PUS7: variants seen among roughly 807,000 people sequenced by gnomAD.
PUS7 encodes the protein pseudouridylate synthase 7 homolog.
Under a neutral mutation model 79.8 loss-of-function variants are expected in PUS7, and 48 were observed. The observed-to-expected ratio is 0.60, with a 90% CI of 0.48 to 0.76. The LOEUF is 0.76. PUS7 is among the 30% of genes least tolerant of loss of function. PUS7 has a pLI of 0.00. For missense variants in PUS7, 729 were observed against 797.6 expected (o/e 0.91, Z 1.04); for synonymous variants, 286 against 272.2 (o/e 1.05, Z -0.50).
At chr7:105,472,764 A>T (rs1442766724) in intron 9 of PUS7, among the ~76,000 whole-genome samples, 1 of 151,860 alleles carries the variant, frequency 6.6e-6, no homozygotes, top group Non-Finnish European at 1.5e-5. Flanking sequence ...ATTTATTATT[A>T]TTTTTTTGAA....
At chr7:105,479,752 C>T (rs755859232) in intron 9 of PUS7, among the ~76,000 whole-genome samples, 12 of 151,938 alleles carry the variant, frequency 7.9e-5, no homozygotes, top group Non-Finnish European at 1.6e-4. Context: ...AATCCCAGCA[C>T]TTAGGGAGGC....
At chr7:105,475,334 C>CT (rs1563362038) in intron 9 of PUS7, among the ~76,000 whole-genome samples, 1 of 152,034 alleles carries the variant, frequency 6.6e-6, no homozygotes, top group Non-Finnish European at 1.5e-5. Context: ...TACAGGCGCG[C>CT]GCCACCACGC....
At chr7:105,518,015 G>A (rs1825960082) in intron 1 of PUS7, among the ~76,000 whole-genome samples, 1 of 152,114 alleles carries the variant, frequency 6.6e-6, no homozygotes, top group African/African-American at 2.4e-5. Context: ...ATGCATGGTG[G>A]TGTGGCCCTG....
At chr7:105,488,037 T>C (rs1824625796) in intron 7 of PUS7, among the ~76,000 whole-genome samples, 1 of 152,164 alleles carries the variant, frequency 6.6e-6, no homozygotes, top group Admixed American at 6.6e-5. Context: ...GTGTAGCCTG[T>C]ATCCGTGAGA....
chr7:105,506,319 T>C, intron 2 of PUS7, 46 bp from the exon 3 acceptor site: 1 of 1,333,816 alleles, frequency 7.5e-7, no homozygotes, highest in Non-Finnish European at 1.1e-6. Flanking sequence ...CATCCTGTTT[T>C]CTATTAATTT....
At chr7:105,482,710 G>A (rs567563510) in intron 7 of PUS7, among the ~76,000 whole-genome samples, 84 of 152,230 alleles carry the variant, frequency 5.5e-4, no homozygotes, top group African/African-American at 1.9e-3. Context: ...ACATGCTGAT[G>A]AGTAACAGAA....
intron 6 of PUS7, 112 bp downstream of exon 6, chr7:105,495,030 C>A: frequency 3.7e-6 from 2 of 546,170 alleles, no homozygotes; most frequent in Non-Finnish European, 3.3e-6. Flanking sequence ...TTGGGAGGAG[C>A]ATTTACTATC....
intron 1 of PUS7, among the ~76,000 whole-genome samples, chr7:105,521,676 G>A (rs1313665443): frequency 2.0e-5 from 3 of 152,246 alleles, no homozygotes; most frequent in Non-Finnish European, 2.9e-5. Context: ...CTGACGGAGG[G>A]ACAAGAGTTT....
At chr7:105,501,116 T>C (rs1381688704) in intron 5 of PUS7, among the ~76,000 whole-genome samples, 1 of 152,200 alleles carries the variant, frequency 6.6e-6, no homozygotes, top group Non-Finnish European at 1.5e-5. Context: ...TTCCTCCTGT[T>C]CTCTTTTTTG....
intron 1 of PUS7, among the ~76,000 whole-genome samples, chr7:105,512,016 G>T (rs1469410748): frequency 1.3e-5 from 2 of 151,728 alleles, no homozygotes; most frequent in African/African-American, 4.8e-5. Context: ...ATGGTGGCGG[G>T]CGCCTGTAAT....
At chr7:105,492,969 C>T (rs916430442) in intron 6 of PUS7, among the ~76,000 whole-genome samples, 11 of 152,284 alleles carry the variant, frequency 7.2e-5, no homozygotes, top group African/African-American at 2.6e-4. Flanking sequence ...GCAGTGTAAA[C>T]ATTTGTGGCT....
At chr7:105,519,089 T>C (rs1261595013) in intron 1 of PUS7, among the ~76,000 whole-genome samples, 2 of 152,020 alleles carry the variant, frequency 1.3e-5, no homozygotes, top group Non-Finnish European at 2.9e-5. Flanking sequence ...CCATTAGTCT[T>C]AATTCTATCA....
Position 105,509,184 on chromosome 7 carries a change from C to CAAAA in PUS7, c.-32-644_-32-641dup, listed in dbSNP as rs57095427. Among the ~76,000 whole-genome samples, 45 of 55,712 alleles carry CAAAA rather than the reference C, an allele frequency of 8.1e-4. 4 individuals carry two copies. Among genetic ancestry groups the CAAAA allele is most frequent in the Admixed American group, 2.3e-3 (7 of 3,052 alleles). The allele number at this position is 55,712 out of a possible 152,430, so 36.5% of individuals were successfully genotyped here. ...GGGGGACCAGAGCAAGACTCCATCT[C>CAAAA]AAAAAAAAAAAAAAAAAAAAAAAAA... On this transcript the variant is annotated intron_variant, in intron 1 of 15. Transcript: ENST00000469408.
intron 7 of PUS7, among the ~76,000 whole-genome samples, chr7:105,488,642 T>A (rs1011709268): frequency 1.3e-5 from 2 of 152,154 alleles, no homozygotes; most frequent in Non-Finnish European, 1.5e-5. Context: ...TAGTTTAAAT[T>A]AGGATATATC....
chr7:105,496,899 G>C lies in PUS7; in HGVS notation c.731-1646C>G. ...GCAAAGTTGTCTATACTTAGCACTT[G>C]TGACAAAATCTTTGGCATTTCACTT... On this transcript the variant is annotated intron_variant, in intron 5 of 15. Transcript: ENST00000469408. 7.9e-6 allele frequency: 9 copies of C among 1,143,220 alleles called. No individual in the cohort carries two copies. In the South Asian group the frequency reaches 1.6e-4, roughly 20 times the overall value. 70.8% of individuals were successfully genotyped at this position (1,143,220 alleles called of 1,614,324 possible).
chr7:105,481,152 C>CT lies in PUS7; in HGVS notation c.1074dup (p.Val359SerfsTer15). Reference sequence around the variant, plus strand: ...TTGAGAGAGTTCATAGCTTGCTGTACTTGGTCATCAGTTCCTGTTATATTT... The same window carrying CT: ...TTGAGAGAGTTCATAGCTTGCTGTACTTTGGTCATCAGTTCCTGTTATATTT... On this transcript the variant is annotated frameshift_variant, in exon 9 of 16. Coordinates refer to ENST00000469408, the MANE Select transcript of PUS7 (RefSeq NM_019042.5). LOFTEE classifies it high-confidence loss of function. 6.2e-7 allele frequency: 1 copy of CT among 1,610,172 alleles called. No individual in the cohort carries two copies. Among genetic ancestry groups the CT allele is most frequent in the Non-Finnish European group, 8.5e-7 (1 of 1,178,418 alleles).
chr7:105,472,140 C>A lies in PUS7; in HGVS notation c.1229G>T (p.Arg410Leu), dbSNP rs767161923. 2 of 1,594,602 alleles carry A rather than the reference C, an allele frequency of 1.3e-6. No individual in the cohort carries two copies. Among genetic ancestry groups the A allele is most frequent in the Non-Finnish European group, 8.6e-7 (1 of 1,164,574 alleles). Residue 410 changes from arginine to leucine, a missense_variant, in exon 10 of 16, where the codon CGC (arginine) becomes CTC (leucine). Arg to Leu is a moderately radical substitution (Grantham distance 102, BLOSUM62 -2). Coordinates refer to ENST00000469408, the MANE Select transcript of PUS7 (RefSeq NM_019042.5). ...TEVMDLILKP[R>L]SGAEKGYLVK... Reference sequence around the variant, plus strand: ...ATGAATTTTATTCTCACCTCCAGAGCGGGGTTTCAATATTAAATCCATGAC... The same window carrying A: ...ATGAATTTTATTCTCACCTCCAGAGAGGGGTTTCAATATTAAATCCATGAC...
At chr7:105,500,456 C>T (rs1359244676) in intron 5 of PUS7, among the ~76,000 whole-genome samples, 1 of 152,142 alleles carries the variant, frequency 6.6e-6, no homozygotes, top group Non-Finnish European at 1.5e-5. Flanking sequence ...TCTCACAAAA[C>T]CCGGCATCCT....
intron 6 of PUS7, among the ~76,000 whole-genome samples, chr7:105,494,033 C>T (rs939144548): frequency 6.6e-6 from 1 of 152,138 alleles, no homozygotes; most frequent in Non-Finnish European, 1.5e-5. Flanking sequence ...AGCTTTGGCA[C>T]CTTGCCGATC....
Sources: gnomAD v4.1 joint callset for allele counts (sites outside exome capture counted in the v4.1 genomes callset) on GRCh38, gnomAD v4.1.1 for gene constraint, MANE v1.5 for transcripts, NCBI Gene and HGNC (gene_info 2026-07-23, HGNC 2026-07-21) for gene names.